CNBD1: variants seen among roughly 807,000 people sequenced by gnomAD.
CNBD1 encodes the protein cyclic nucleotide-binding domain-containing protein 1.
A neutral mutation model predicts 54.4 loss-of-function variants in CNBD1; 71 were observed. The observed-to-expected ratio is 1.30, with a 90% CI of 1.08 to 1.59. The LOEUF (loss-of-function observed/expected upper bound fraction) is 1.59, where lower values mean the gene tolerates loss of function less well. Among genes scored for constraint, CNBD1 ranks in the 40% most tolerant of loss-of-function variants. The pLI is 0.00. For synonymous variants in CNBD1, 182 were observed against 170.7 expected, an observed-to-expected ratio of 1.07 and a Z score of -0.51; for missense variants, 659 against 518.0, an observed-to-expected ratio of 1.27 and a Z score of -2.64.
At chr8:87,137,127 A>ATATATAAATTATATATATATTTTTATTC (rs1563482951) in intron 4 of CNBD1, among the ~76,000 whole-genome samples, 5 of 122,322 alleles carry the variant, frequency 4.1e-5, no homozygotes, top group African/African-American at 7.2e-5. Flanking sequence ...TATTTTTATT[A>ATATATAAATTATATATATATTTTTATTC]TATATAAATT....
chr8:87,021,857 T>G (rs1030876639), intron 4 of CNBD1, among the ~76,000 whole-genome samples: 1 of 152,168 alleles, frequency 6.6e-6, no homozygotes, highest in Non-Finnish European at 1.5e-5. Context: ...GCATTATGAG[T>G]GTCTAGTATT....
chr8:87,020,932 T>C (rs1230516117), intron 4 of CNBD1, among the ~76,000 whole-genome samples: 1 of 152,194 alleles, frequency 6.6e-6, no homozygotes, highest in Non-Finnish European at 1.5e-5. Context: ...GCCTCCACAA[T>C]CCTTTATCTT....
chr8:87,280,210 A>C (rs1808571236), intron 6 of CNBD1, among the ~76,000 whole-genome samples: 1 of 151,582 alleles, frequency 6.6e-6, no homozygotes, highest in African/African-American at 2.4e-5. Flanking sequence ...TGTCTTTCTA[A>C]TCTTTTCTTA....
chr8:86,963,215 G>A (rs1316148714), intron 4 of CNBD1, among the ~76,000 whole-genome samples: 1 of 152,156 alleles, frequency 6.6e-6, no homozygotes, highest in Non-Finnish European at 1.5e-5. Context: ...TGGAGGCATA[G>A]CTGACAGGCA....
intron 1 of CNBD1, among the ~76,000 whole-genome samples, chr8:86,873,103 G>GT (rs34594723): frequency 0.015 from 2,000 of 137,920 alleles, 43 homozygotes; most frequent in African/African-American, 0.039. Flanking sequence ...TGTTGTTTTA[G>GT]TTTTTTTTTT....
chr8:87,055,229 G>A (rs183581054), intron 4 of CNBD1, among the ~76,000 whole-genome samples: 1 of 152,278 alleles, frequency 6.6e-6, no homozygotes, highest in Admixed American at 6.5e-5. Flanking sequence ...GCAGAGAGGG[G>A]TCCTGGACGG....
intron 4 of CNBD1, among the ~76,000 whole-genome samples, chr8:87,073,090 C>T (rs1371602525): frequency 6.6e-6 from 1 of 151,790 alleles, no homozygotes; most frequent in Non-Finnish European, 1.5e-5. Flanking sequence ...ATTCCTTCCT[C>T]TGCTTGTTGT....
chr8:87,007,637 C>A (rs1356657201), intron 4 of CNBD1, among the ~76,000 whole-genome samples: 1 of 152,012 alleles, frequency 6.6e-6, no homozygotes, highest in African/African-American at 2.4e-5. Flanking sequence ...TTTCTTTCAG[C>A]AGATGAAATT....
chr8:87,280,771 G>A (rs1233745035), intron 6 of CNBD1, among the ~76,000 whole-genome samples: 3 of 151,094 alleles, frequency 2.0e-5, no homozygotes, highest in Admixed American at 6.6e-5. Context: ...TTATTCAGAG[G>A]GAGATTGTTC....
chr8:86,977,358 C>A (rs1244496664), intron 4 of CNBD1, among the ~76,000 whole-genome samples: 1 of 152,020 alleles, frequency 6.6e-6, no homozygotes, highest in Non-Finnish European at 1.5e-5. Context: ...GATGGTGTCC[C>A]ATAAGTCTCT....
intron 1 of CNBD1, among the ~76,000 whole-genome samples, chr8:86,875,858 T>G (rs1808512827): frequency 6.6e-6 from 1 of 152,236 alleles, no homozygotes; most frequent in Non-Finnish European, 1.5e-5. Flanking sequence ...TTGTGGAAAA[T>G]TATATTGCTA....
At position 87,304,076 on chromosome 8, in the gene CNBD1, G is replaced by A. The variant is rs893010346; in HGVS notation, c.1042+17405G>A. ...GTTCAACCATTGTGGAAGTCAGTGT[G>A]GCGATTCCTCAGGGATCTAGAACTA... is the stretch of plus-strand genomic sequence containing the variant. On this transcript the variant is annotated intron_variant, in intron 8 of 10. Transcript: ENST00000518476. Among the ~76,000 whole-genome samples the A allele has an allele frequency of 2.6e-5, 4 of 152,220 alleles. No homozygotes were observed. In the East Asian group the frequency reaches 7.7e-4, roughly 29 times the overall value.
chr8:87,126,300 TA>T (rs1344915647), intron 4 of CNBD1, among the ~76,000 whole-genome samples: 1 of 151,978 alleles, frequency 6.6e-6, no homozygotes, highest in East Asian at 1.9e-4. Context: ...AGGCAGTATA[TA>T]AAAACTCTGG....
intron 4 of CNBD1, among the ~76,000 whole-genome samples, chr8:86,997,504 C>T (rs1366063398): frequency 1.3e-5 from 2 of 152,112 alleles, no homozygotes; most frequent in African/African-American, 4.8e-5. Flanking sequence ...AGCCATTAAT[C>T]GCCAATGGTT....
intron 8 of CNBD1, among the ~76,000 whole-genome samples, chr8:87,289,891 G>A (rs755268786): frequency 6.6e-6 from 1 of 152,016 alleles, no homozygotes; most frequent in Non-Finnish European, 1.5e-5. Context: ...GATACCTCGA[G>A]GTGCCAGTGA....
chr8:87,107,678 T>C (rs1811570367), intron 4 of CNBD1, among the ~76,000 whole-genome samples: 1 of 152,158 alleles, frequency 6.6e-6, no homozygotes, highest in African/African-American at 2.4e-5. Context: ...CAATAAATAT[T>C]TGAGTGACTG....
intron 4 of CNBD1, among the ~76,000 whole-genome samples, chr8:86,981,482 T>A (rs921786072): frequency 6.6e-6 from 1 of 152,134 alleles, no homozygotes; most frequent in East Asian, 1.9e-4. Context: ...TAAAGTGAAA[T>A]CCCCCTTTAA....
At chr8:87,339,655 A>T (rs186013006) in intron 8 of CNBD1, among the ~76,000 whole-genome samples, 6 of 151,988 alleles carry the variant, frequency 3.9e-5, no homozygotes, top group African/African-American at 1.4e-4. Context: ...GATTTCCTTC[A>T]GGTTTTCTTT....
chr8:87,192,208 TTGA>T (rs1813626386), intron 4 of CNBD1, among the ~76,000 whole-genome samples: 1 of 152,150 alleles, frequency 6.6e-6, no homozygotes, highest in Non-Finnish European at 1.5e-5. Flanking sequence ...TTTTCTAGAT[TTGA>T]TGATGTTTTA....
Sources: allele counts gnomAD v4.1 joint callset (sites outside exome capture counted in the v4.1 genomes callset), GRCh38; gene constraint gnomAD v4.1.1; transcripts MANE v1.5; gene names NCBI Gene and HGNC (gene_info 2026-07-23, HGNC 2026-07-21).